Variants in CNTNAP2 observed in about 807,000 individuals in gnomAD.
CNTNAP2 encodes the protein contactin-associated protein-like 2.
Under a neutral mutation model 155.2 loss-of-function variants are expected in CNTNAP2, and 98 were observed. That is an observed-to-expected ratio of 0.63 (90% CI 0.54 to 0.75). The LOEUF (loss-of-function observed/expected upper bound fraction) is 0.75. Among genes scored for constraint, CNTNAP2 ranks in the 30% least tolerant of loss-of-function variants. The probability of loss-of-function intolerance (pLI) is 0.00; values close to 1 mark genes in which losing one functional copy is unlikely to be tolerated. For synonymous variants in CNTNAP2, 651 were observed against 631.2 expected (o/e 1.03, Z -0.47); for missense variants, 1,727 against 1,688.1 (o/e 1.02, Z -0.40).
chr7:147,388,393 A>G (rs1172000262), intron 9 of CNTNAP2, among the ~76,000 whole-genome samples: 1 of 152,176 alleles, frequency 6.6e-6, no homozygotes, highest in African/African-American at 2.4e-5. Flanking sequence ...AAACAGAACT[A>G]TTCATTGCTT....
intron 1 of CNTNAP2, among the ~76,000 whole-genome samples, chr7:146,452,434 G>A (rs1293113956): frequency 6.6e-6 from 1 of 152,094 alleles, no homozygotes; most frequent in African/African-American, 2.4e-5. Flanking sequence ...TTAATGCAAT[G>A]TAGTTATGTA....
chr7:146,704,368 G>A (rs1435499093), intron 1 of CNTNAP2, among the ~76,000 whole-genome samples: 1 of 152,082 alleles, frequency 6.6e-6, no homozygotes, highest in African/African-American at 2.4e-5. Context: ...GTATGACCTG[G>A]AAGCCAGAAC....
At chr7:147,616,993 C>T (rs1185937486) in intron 12 of CNTNAP2, among the ~76,000 whole-genome samples, 1 of 152,168 alleles carries the variant, frequency 6.6e-6, no homozygotes, top group Non-Finnish European at 1.5e-5. Context: ...CTAGACCTTT[C>T]AACCTATGCT....
chr7:146,816,974 G>T (rs1585104525), intron 2 of CNTNAP2, among the ~76,000 whole-genome samples: 1 of 152,136 alleles, frequency 6.6e-6, no homozygotes, highest in African/African-American at 2.4e-5. Flanking sequence ...TTTAATTCAG[G>T]TCTGGAGAAA....
intron 6 of CNTNAP2, among the ~76,000 whole-genome samples, chr7:147,123,548 A>T (rs1338457631): frequency 6.6e-6 from 1 of 152,266 alleles, no homozygotes; most frequent in African/African-American, 2.4e-5. Context: ...TATTAGACAG[A>T]AACAGTAGGA....
intron 13 of CNTNAP2, among the ~76,000 whole-genome samples, chr7:147,735,408 C>A (rs959046404): frequency 2.0e-5 from 3 of 152,088 alleles, no homozygotes; most frequent in Admixed American, 2.0e-4. Flanking sequence ...AATTTCTGTT[C>A]TTTTACATTT....
chr7:147,106,733 CACA>C (rs1348346972), intron 4 of CNTNAP2, among the ~76,000 whole-genome samples: 1 of 152,118 alleles, frequency 6.6e-6, no homozygotes, highest in East Asian at 1.9e-4. Flanking sequence ...TAACTGTATG[CACA>C]ACAATTCACT....
chr7:146,429,496 C>T (rs34119163), intron 1 of CNTNAP2, among the ~76,000 whole-genome samples: 42,247 of 151,722 alleles, frequency 0.28, 6,058 homozygotes, highest in Admixed American at 0.41. Context: ...CAGTTGTGAA[C>T]GGGAGTTCAT....
At chr7:146,555,771 A>G (rs1798189831) in intron 1 of CNTNAP2, among the ~76,000 whole-genome samples, 1 of 152,228 alleles carries the variant, frequency 6.6e-6, no homozygotes, top group Non-Finnish European at 1.5e-5. Context: ...AGCCTTTGGC[A>G]TCAGAAGGAC....
intron 9 of CNTNAP2, among the ~76,000 whole-genome samples, chr7:147,367,147 A>T (rs1273240091): frequency 1.3e-5 from 2 of 152,192 alleles, no homozygotes; most frequent in Admixed American, 1.3e-4. Flanking sequence ...CCACTCTCCA[A>T]TGCATTGTTT....
rs116514675 is a variant in CNTNAP2, at chr7:146,727,859, A to T, written c.98-46412A>T. On this transcript the variant is annotated intron_variant, in intron 1 of 23. Transcript: ENST00000361727. ...AAACATTTCTTTTTTGGACAGGGAG[A>T]TGTCCCTGATGTTCCCCCTAGATGT... Among the ~76,000 whole-genome samples the T allele has an allele frequency of 7.1e-4, 108 of 152,268 alleles. 1 individual carries two copies. Among genetic ancestry groups the T allele is most frequent in the African/African-American group, 2.3e-3 (94 of 41,564 alleles).
chr7:147,138,703 A>T (rs1801538296), intron 8 of CNTNAP2, among the ~76,000 whole-genome samples: 1 of 152,030 alleles, frequency 6.6e-6, no homozygotes, highest in Non-Finnish European at 1.5e-5. Context: ...TTTAGAAAGC[A>T]AAAGGGACAT....
At chr7:146,303,292 T>C (rs568352728) in intron 1 of CNTNAP2, among the ~76,000 whole-genome samples, 9 of 152,264 alleles carry the variant, frequency 5.9e-5, no homozygotes, top group African/African-American at 2.2e-4. Flanking sequence ...TAAACACTCA[T>C]GTACCTCTCA....
intron 22 of CNTNAP2, among the ~76,000 whole-genome samples, chr7:148,397,067 G>A (rs1224236839): frequency 6.6e-6 from 1 of 152,190 alleles, no homozygotes; most frequent in Non-Finnish European, 1.5e-5. Flanking sequence ...ATGCTTTAAT[G>A]CATGATTTTG....
chr7:147,244,561 G>C (rs1804015616), intron 8 of CNTNAP2, among the ~76,000 whole-genome samples: 1 of 152,108 alleles, frequency 6.6e-6, no homozygotes, highest in African/African-American at 2.4e-5. Context: ...CACCAGTTTA[G>C]GTCCTGATGA....
Position 147,116,428 on chromosome 7 carries a change from A to T in CNTNAP2, c.755-4551A>T, listed in dbSNP as rs545397733. On this transcript the variant is annotated intron_variant, in intron 5 of 23. Transcript: ENST00000361727. ...GGCCCACAGGCTGGACTAGCTGAGA[A>T]GCCTGAATGTCCAAGTTGGTGACCT... Among the ~76,000 whole-genome samples the T allele has an allele frequency of 3.3e-5, 5 of 152,180 alleles. No homozygotes were observed. In the South Asian group the frequency reaches 1.0e-3, roughly 32 times the overall value.
chr7:147,537,954 T>C (rs1225327217), intron 11 of CNTNAP2, among the ~76,000 whole-genome samples: 1 of 152,212 alleles, frequency 6.6e-6, no homozygotes, highest in Admixed American at 6.5e-5. Context: ...ATTATCTCTA[T>C]TTATTTTATT....
At chr7:147,984,334 A>C (rs1801581251) in intron 15 of CNTNAP2, among the ~76,000 whole-genome samples, 1 of 152,220 alleles carries the variant, frequency 6.6e-6, no homozygotes, top group Non-Finnish European at 1.5e-5. Flanking sequence ...GAAGTCCAGC[A>C]GGTCTTAGCC....
chr7:148,106,822 A>G (rs896888953), intron 15 of CNTNAP2, among the ~76,000 whole-genome samples: 12 of 152,128 alleles, frequency 7.9e-5, no homozygotes, highest in African/African-American at 2.7e-4. Context: ...CAGTCTTGTT[A>G]TTCCCCGCTT....
Sources: allele counts gnomAD v4.1 joint callset (sites outside exome capture counted in the v4.1 genomes callset), GRCh38; gene constraint gnomAD v4.1.1; transcripts MANE v1.5; gene names NCBI Gene and HGNC (gene_info 2026-07-23, HGNC 2026-07-21).